PRKAR1A: variants seen among roughly 807,000 people sequenced by gnomAD.
PRKAR1A encodes the protein cAMP-dependent protein kinase type I-alpha regulatory subunit.
PRKAR1A carries 3 observed loss-of-function variants against 52.0 expected under a neutral mutation model. The ratio of observed to expected loss-of-function variants is 0.06; its 90% CI spans 0.03 to 0.15. PRKAR1A has a LOEUF of 0.15. PRKAR1A is among the 10% of genes least tolerant of loss of function. PRKAR1A has a pLI of 1.00. For synonymous variants in PRKAR1A, 188 were observed against 168.4 expected (o/e 1.12, Z -0.90); for missense variants, 240 against 477.4 (o/e 0.50, Z 4.63).
chr17:68,530,906 A>G lies in PRKAR1A; in HGVS notation c.*457A>G. 2 of 1,118,894 alleles carry G rather than the reference A, an allele frequency of 1.8e-6. No individual in the cohort carries two copies. The highest frequency in any genetic ancestry group is 2.2e-6 in the Non-Finnish European group (2 of 910,170). The allele number at this position is 1,118,894 out of a possible 1,614,324, so 69.3% of individuals were successfully genotyped here. Reference sequence around the variant, plus strand: ...GGTTTCTCATTAAACTCTAAAGATTAGGGAAAATGGATATAGAAAATCTTA... The same window carrying G: ...GGTTTCTCATTAAACTCTAAAGATTGGGGAAAATGGATATAGAAAATCTTA... On this transcript the variant is annotated 3_prime_UTR_variant, in exon 11 of 11. Transcript: ENST00000589228.
At chr17:68,549,793 C>A (rs922883698) in intron 11 of PRKAR1A, among the ~76,000 whole-genome samples, 3 of 151,498 alleles carry the variant, frequency 2.0e-5, no homozygotes, top group African/African-American at 7.4e-5. Flanking sequence ...GCCAAAGAGT[C>A]ACATGTCTAC....
At chr17:68,482,758 C>T in the PRKAR1A span, among the ~76,000 whole-genome samples, 5 of 152,306 alleles carry the variant, frequency 3.3e-5, no homozygotes, top group East Asian at 7.7e-4. Context: ...TAAGGTCAAT[C>T]GGTGGACAAA....
the PRKAR1A span, chr17:68,427,445 C>T: frequency 4.8e-6 from 2 of 413,210 alleles, no homozygotes; most frequent in East Asian, 4.9e-5. Context: ...CAACCTCCGC[C>T]TCCTGGGTTC....
chr17:68,489,488 CTA>C, the PRKAR1A span, among the ~76,000 whole-genome samples: 10 of 128,454 alleles, frequency 7.8e-5, 1 homozygote, highest in East Asian at 6.6e-4. Context: ...GAAAGTATAT[CTA>C]TATATATAGA....
At chr17:68,426,470 G>A in the PRKAR1A span, among the ~76,000 whole-genome samples, 2 of 151,970 alleles carry the variant, frequency 1.3e-5, no homozygotes, top group Admixed American at 6.6e-5. Context: ...TGAGCCTAAG[G>A]GATCCTTCTG....
At chr17:68,500,657 G>A in the PRKAR1A span, among the ~76,000 whole-genome samples, 1 of 152,018 alleles carries the variant, frequency 6.6e-6, no homozygotes, top group African/African-American at 2.4e-5. Flanking sequence ...GGGATTACAG[G>A]TGCCCACCAC....
the PRKAR1A span, among the ~76,000 whole-genome samples, chr17:68,437,948 T>TAAAAAAAAAAAAAAAAAAAAAA: frequency 1.3e-5 from 1 of 78,806 alleles, no homozygotes; most frequent in African/African-American, 4.8e-5. Context: ...ACATCTCTCT[T>TAAAAAAAAAAAAAAAAAAAAAA]AAAAAAAAAA....
At chr17:68,423,198 CAG>C in the PRKAR1A span, among the ~76,000 whole-genome samples, 18 of 152,292 alleles carry the variant, frequency 1.2e-4, no homozygotes, top group Non-Finnish European at 1.9e-4. The surrounding 1 kb of genome is among the most constrained non-coding windows in gnomAD (Gnocchi z 4.4). Context: ...GAATTCTGCA[CAG>C]AGATTTGCAA....
At chr17:68,522,181 A>G (rs1010227042) in intron 2 of PRKAR1A, among the ~76,000 whole-genome samples, 1 of 152,234 alleles carries the variant, frequency 6.6e-6, no homozygotes, top group African/African-American at 2.4e-5. Flanking sequence ...TGAATTCCAC[A>G]GGCTCAGGAC....
chr17:68,427,261 T>G, the PRKAR1A span: 2 of 1,607,122 alleles, frequency 1.2e-6, no homozygotes, highest in African/African-American at 1.3e-5. Context: ...AAGCTACTTG[T>G]GACAATCAAG....
intron 7 of PRKAR1A, 119 bp downstream of exon 7, chr17:68,526,031 T>C: frequency 7.8e-7 from 1 of 1,279,672 alleles, no homozygotes; most frequent in Non-Finnish European, 1.1e-6. Context: ...TTCTTTCTTT[T>C]AATAAGCGAA....
chr17:68,542,694 C>G lies in PRKAR1A; in HGVS notation c.974-8390C>G, dbSNP rs766457256. On this transcript the variant is annotated intron_variant, in intron 11 of 11. Coordinates refer to the PRKAR1A transcript ENST00000585981. ...AATATCACTCGGGCCAGTACTCTAC[C>G]TGGAGAGACAAAGAAAACACTCTGC... 2.5e-6 allele frequency: 4 copies of G among 1,612,082 alleles called. No homozygotes were observed. Among genetic ancestry groups the G allele is most frequent in the Non-Finnish European group, 3.4e-6 (4 of 1,178,168 alleles).
the PRKAR1A span, among the ~76,000 whole-genome samples, chr17:68,470,438 G>A: frequency 6.6e-6 from 1 of 152,202 alleles, no homozygotes; most frequent in Non-Finnish European, 1.5e-5. Context: ...AGAGTCTTGG[G>A]TAAACCCAGG....
chr17:68,419,017 C>CAA, the PRKAR1A span, among the ~76,000 whole-genome samples: 29,016 of 112,610 alleles, frequency 0.26, 3,198 homozygotes, highest in Middle Eastern at 0.35. Context: ...ATAGCAAAGC[C>CAA]AAAAAAAAAA....
At chr17:68,490,275 T>C in the PRKAR1A span, among the ~76,000 whole-genome samples, 2 of 152,210 alleles carry the variant, frequency 1.3e-5, no homozygotes. Context: ...GTGCGGGGCC[T>C]TTCCCCATTT....
At chr17:68,527,343 A>C (rs749102114) in intron 7 of PRKAR1A, among the ~76,000 whole-genome samples, 10 of 152,218 alleles carry the variant, frequency 6.6e-5, no homozygotes, top group Admixed American at 1.3e-4. Flanking sequence ...ATCTGCATTT[A>C]AATACCAGCG....
the PRKAR1A span, among the ~76,000 whole-genome samples, chr17:68,491,685 C>T: frequency 2.6e-5 from 4 of 152,030 alleles, no homozygotes; most frequent in Non-Finnish European, 4.4e-5. Flanking sequence ...TTCATTTGCC[C>T]TCTTGACATA....
At chr17:68,432,968 T>TTTTC in the PRKAR1A span, among the ~76,000 whole-genome samples, 1 of 152,250 alleles carries the variant, frequency 6.6e-6, no homozygotes, top group East Asian at 1.9e-4. Context: ...TTTTTTAGGC[T>TTTTC]TTTCTTTCAC....
At chr17:68,433,760 GTTTTTTTTTTTTTTTTTTTTT>G in the PRKAR1A span, among the ~76,000 whole-genome samples, 269 of 72,820 alleles carry the variant, frequency 3.7e-3, 6 homozygotes, top group African/African-American at 0.017. Context: ...AAGGGTCATA[GTTTTTTTTTTTTTTTTTTTTT>G]TTTTTTTTTT....
Sources: allele counts gnomAD v4.1 joint callset (sites outside exome capture counted in the v4.1 genomes callset), GRCh38; gene constraint gnomAD v4.1.1; non-coding constraint Gnocchi (gnomAD v3.1); transcripts MANE v1.5; gene names NCBI Gene and HGNC (gene_info 2026-07-23, HGNC 2026-07-21).